The following FIZ1 variants were observed in gnomAD, a reference collection of about 807,000 sequenced individuals.
FIZ1 encodes the protein FLT3 interacting zinc finger 1, also known as flt3-interacting zinc finger protein 1.
In FIZ1, 2 loss-of-function variants were observed where a neutral mutation model predicts 5.3. The ratio of observed to expected loss-of-function variants is 0.37; its 90% CI spans 0.15 to 1.18. The LOEUF (loss-of-function observed/expected upper bound fraction) is 1.18, where lower values mean the gene tolerates loss of function less well. FIZ1 is among the 50% of genes most tolerant of loss of function. FIZ1 has a pLI of 0.37. For synonymous variants in FIZ1, 407 were observed against 364.2 expected, an observed-to-expected ratio of 1.12 and a Z score of -1.34; for missense variants, 631 against 749.7, an observed-to-expected ratio of 0.84 and a Z score of 1.85.
intron 2 of FIZ1, among the ~76,000 whole-genome samples, chr19:55,594,502 C>T (rs1193573681): frequency 6.6e-6 from 1 of 151,308 alleles, no homozygotes; most frequent in Non-Finnish European, 1.5e-5. Flanking sequence ...TCGAGACCAT[C>T]CTGGCTAACA....
At position 55,592,989 on chromosome 19, in the gene FIZ1, C is replaced by A. The variant is rs1356169654; in HGVS notation, c.952G>T (p.Ala318Ser). ...GAGGGCTCGGCGGCCGCCGCAGGTG[C>A]AGGCGCCTCCCCACCGCCCTCGGGG... is the stretch of plus-strand genomic sequence containing the variant. Reference protein sequence around the residue: ...LLPEGGGEAPAPAAAAEPSED... With the variant: ...LLPEGGGEAPSPAAAAEPSED... The change falls in exon 3 of 3, where the codon GCA becomes TCA. Residue 318 changes from alanine to serine, a missense_variant. Around this residue, in one of 4 missense-constraint regions of FIZ1, gnomAD observed 463 missense variants for 455.1 expected, o/e 1.02. Transcript: ENST00000221665. The surrounding 1 kb of genome is among the most constrained non-coding windows in gnomAD (Gnocchi z 6.9). The A allele has an allele frequency of 6.6e-7, 1 of 1,522,842 alleles. No individual in the cohort carries two copies. The highest frequency in any genetic ancestry group is 8.7e-7 in the Non-Finnish European group (1 of 1,143,686). The allele number at this position is 1,522,842 out of a possible 1,614,324, so 94.3% of individuals were successfully genotyped here.
chr19:55,591,654 G>A lies in FIZ1; in HGVS notation c.*796C>T, dbSNP rs1980007359. On this transcript the variant is annotated 3_prime_UTR_variant, in exon 3 of 3. Transcript: ENST00000221665. ...GTCCACACGCTACAGGAAAAGAGAG[G>A]AGTGTCCGCCCTATTCACTCTAAGG... 6.6e-6 allele frequency: 1 copy of A among 152,518 alleles called. No individual in the cohort carries two copies. Among genetic ancestry groups the A allele is most frequent in the African/African-American group, 2.4e-5 (1 of 41,452 alleles). The allele number at this position is 152,518 out of a possible 1,614,324, so 9.4% of individuals were successfully genotyped here.
Position 55,593,021 on chromosome 19 carries a change from C to A in FIZ1, c.920G>T (p.Gly307Val). The part of the protein sequence containing the change: ...PAGGGVPKLG[G>V]LLPEGGGEAP... Reference sequence around the variant, plus strand: ...CTCCCCACCGCCCTCGGGGAGCAGCCCCCCGAGCTTGGGCACGCCGCCCCC... The same window carrying A: ...CTCCCCACCGCCCTCGGGGAGCAGCACCCCGAGCTTGGGCACGCCGCCCCC... The change falls in exon 3 of 3, where the codon GGG (glycine) becomes GTG (valine). Residue 307 changes from glycine to valine, a missense_variant. Gly to Val is a moderately radical substitution (Grantham distance 109). Coordinates refer to ENST00000221665, the MANE Select transcript of FIZ1 (RefSeq NM_032836.3). This position sits in a 1 kb window ranked among gnomAD's most constrained non-coding sequence, Gnocchi z 6.3. The A allele has an allele frequency of 6.9e-7, 1 of 1,447,494 alleles. No individual in the cohort carries two copies. The highest frequency in any genetic ancestry group is 9.0e-7 in the Non-Finnish European group (1 of 1,109,162). 89.7% of individuals were successfully genotyped at this position (1,447,494 alleles called of 1,614,324 possible).
intron 1 of FIZ1, chr19:55,598,543 AC>A (rs1771881933): frequency 1.3e-5 from 2 of 152,694 alleles, no homozygotes; most frequent in Non-Finnish European, 2.9e-5. Flanking sequence ...AATAAATGCT[AC>A]GTGCCCACTT....
rs561607912 is a variant in FIZ1, at chr19:55,592,307, C to G, written c.*143G>C. 1.1e-6 allele frequency: 1 copy of G among 897,766 alleles called. No homozygotes were observed. Among genetic ancestry groups the G allele is most frequent in the African/African-American group, 1.7e-5 (1 of 58,534 alleles). The allele number at this position is 897,766 out of a possible 1,614,324, so 55.6% of individuals were successfully genotyped here. A position where few individuals can be genotyped will look rare whatever the true frequency, so the allele number is the denominator to read the frequency against. The stretch of plus-strand genomic sequence containing the variant: ...TGTGGGTTTTTGGTGGCCCCCACCT[C>G]TCCAGTCAGGGTCCCCTCATTTCAG... On this transcript the variant is annotated 3_prime_UTR_variant, in exon 3 of 3. Transcript: ENST00000221665. This position sits in a 1 kb window ranked among gnomAD's most constrained non-coding sequence, Gnocchi z 6.9.
chr19:55,593,296 C>T lies in FIZ1; in HGVS notation c.645G>A (p.Leu215=). 1 of 1,255,496 alleles carries T rather than the reference C, an allele frequency of 8.0e-7. No individual in the cohort carries two copies. The highest frequency in any genetic ancestry group is 1.0e-6 in the Non-Finnish European group (1 of 993,420). The allele number at this position is 1,255,496 out of a possible 1,614,324, so 77.8% of individuals were successfully genotyped here. A position where few individuals can be genotyped will look rare whatever the true frequency, so the allele number is the denominator to read the frequency against. The change falls in exon 3 of 3, where the codon CTG becomes CTA. Residue 215 remains leucine, a synonymous_variant. Transcript: ENST00000221665. This position sits in a 1 kb window ranked among gnomAD's most constrained non-coding sequence, Gnocchi z 6.3. ...CGGTGTGCGCCGCCCAGTGGGCCGC[C>T]AGCTCGCGGCCGTGGTCGAAGCGCC... ...CARRFDHGRE[L]AAHWAAHTDV...
chr19:55,596,111 G>A (rs927974686), intron 2 of FIZ1, among the ~76,000 whole-genome samples: 10 of 152,146 alleles, frequency 6.6e-5, no homozygotes, highest in African/African-American at 2.2e-4. Context: ...GTGGGGGTGA[G>A]GCCCCTCAGG....
rs1484600118 is a variant in FIZ1 at position 55,593,115 on chromosome 19, C to T, written c.826G>A (p.Glu276Lys). ...GPGAGPETAG[E>K]GTAAEAGDAP... ...TCGCCCGCCTCCGCAGCGGTGCCTT[C>T]GCCCGCCGTCTCGGGCCCTGCGCCT... The change falls in exon 3 of 3, where the codon GAA (glutamate) becomes AAA (lysine). Residue 276 changes from glutamate to lysine, a missense_variant. Physicochemically the swap from Glu to Lys is moderately conservative, Grantham distance 56. This residue lies in a region of FIZ1 where 463 missense variants were observed against 455.1 expected (regional missense o/e 1.02). Transcript: ENST00000221665. The surrounding 1 kb of genome is among the most constrained non-coding windows in gnomAD (Gnocchi z 6.3). 7.0e-6 allele frequency: 9 copies of T among 1,282,402 alleles called. No homozygotes were observed. In the South Asian group the frequency reaches 1.7e-4, roughly 24 times the overall value. 79.4% of individuals were successfully genotyped at this position (1,282,402 alleles called of 1,614,324 possible). A position where few individuals can be genotyped will look rare whatever the true frequency, so the allele number is the denominator to read the frequency against.
intron 2 of FIZ1, 151 bp downstream of exon 2, chr19:55,597,420 CT>C: frequency 7.1e-7 from 1 of 1,405,792 alleles, no homozygotes; most frequent in African/African-American, 1.4e-5. Flanking sequence ...GGTCAGGGTG[CT>C]TTGGTAGGGA....
chr19:55,599,281 C>T (rs952909196), intron 1 of FIZ1, 193 bp downstream of exon 1: 5 of 152,530 alleles, frequency 3.3e-5, no homozygotes, highest in African/African-American at 1.2e-4. Context: ...GCCCCAGGCC[C>T]CGAGAGCCGG....
In FIZ1 at chr19:55,593,718, C is replaced by G. The variant is rs1980175110; in HGVS notation, c.295-72G>C. The G allele has an allele frequency of 7.2e-6, 10 of 1,394,950 alleles. No homozygotes were observed. The South Asian group carries it at 1.3e-4, about 17-fold the overall frequency. The allele number at this position is 1,394,950 out of a possible 1,614,324, so 86.4% of individuals were successfully genotyped here. A position where few individuals can be genotyped will look rare whatever the true frequency, so the allele number is the denominator to read the frequency against. On this transcript the variant is annotated intron_variant, in intron 2 of 2. Coordinates refer to ENST00000221665, the MANE Select transcript of FIZ1 (RefSeq NM_032836.3). The surrounding 1 kb of genome is among the most constrained non-coding windows in gnomAD (Gnocchi z 6.3). ...CCCGGACAACGGATTCCTGGACTCC[C>G]AGAGGGTTGTGGCACAAGCTCTCTG...
chr19:55,592,706 T>C lies in FIZ1; in HGVS notation c.1235A>G (p.Lys412Arg). ...EPPSGSGRGK[K>R]IFGCSECEKL... Reference sequence around the variant, plus strand: ...CTCGCACTCGGAGCAGCCGAAGATCTTCTTGCCGCGGCCGGAGCCAGACGG... The same window carrying C: ...CTCGCACTCGGAGCAGCCGAAGATCCTCTTGCCGCGGCCGGAGCCAGACGG... Residue 412 changes from lysine to arginine, a missense_variant, in exon 3 of 3, where the codon AAG becomes AGG. Physicochemically the swap from Lys to Arg is conservative, Grantham distance 26 (BLOSUM62 2). This residue lies in a region of FIZ1 where 463 missense variants were observed against 455.1 expected (regional missense o/e 1.02). Transcript: ENST00000221665. This position sits in a 1 kb window ranked among gnomAD's most constrained non-coding sequence, Gnocchi z 6.9. 1 of 1,612,870 alleles carries C rather than the reference T, an allele frequency of 6.2e-7. No homozygotes were observed. The highest frequency in any genetic ancestry group is 8.5e-7 in the Non-Finnish European group (1 of 1,179,772).
intron 2 of FIZ1, among the ~76,000 whole-genome samples, chr19:55,594,240 T>C (rs1980204154): frequency 6.6e-6 from 1 of 151,526 alleles, no homozygotes. Context: ...AATACAAAAA[T>C]TACCCGGGCC....
At chr19:55,597,999 AC>A (rs1980414376) in intron 1 of FIZ1, 98 bp from the exon 2 acceptor site, 1 of 1,286,000 alleles carries the variant, frequency 7.8e-7, no homozygotes, top group Non-Finnish European at 1.0e-6. Flanking sequence ...CCCCTGGGAG[AC>A]CCTCCCACTG....
At chr19:55,597,503 A>C in intron 2 of FIZ1, 69 bp downstream of exon 2, 1 of 1,531,618 alleles carries the variant, frequency 6.5e-7, no homozygotes, top group South Asian at 1.2e-5. Context: ...CCCAGAGTAC[A>C]GTGGGGCGCG....
rs762933121 is a variant in FIZ1, at chr19:55,592,555, C to T, written c.1386G>A (p.Leu462=). The part of the protein sequence containing the change: ...RHECYLKRHR[L]LHGTERPFPC... The stretch of plus-strand genomic sequence containing the variant: ...GGAAGGGCCGCTCGGTGCCGTGCAG[C>T]AGCCGGTGGCGCTTGAGGTAGCACT... The change falls in exon 3 of 3, where the codon CTG becomes CTA. Residue 462 remains leucine, a synonymous_variant. Transcript: ENST00000221665. This position sits in a 1 kb window ranked among gnomAD's most constrained non-coding sequence, Gnocchi z 6.9. 6.2e-7 allele frequency: 1 copy of T among 1,611,674 alleles called. No homozygotes were observed. The highest frequency in any genetic ancestry group is 8.5e-7 in the Non-Finnish European group (1 of 1,179,092).
chr19:55,598,106 T>C (rs1415777306), intron 1 of FIZ1: 4 of 619,320 alleles, frequency 6.5e-6, no homozygotes, highest in African/African-American at 5.5e-5. Context: ...AAAATCTTCC[T>C]AATCACTTCA....
chr19:55,597,148 A>G (rs1257484074), intron 2 of FIZ1, among the ~76,000 whole-genome samples: 3 of 152,264 alleles, frequency 2.0e-5, no homozygotes, highest in Non-Finnish European at 2.9e-5. Flanking sequence ...GTGCAGGGAA[A>G]GCTGATAGTC....
intron 1 of FIZ1, chr19:55,598,480 A>T (rs1300449669): frequency 6.5e-6 from 1 of 153,644 alleles, no homozygotes; most frequent in Non-Finnish European, 1.4e-5. Context: ...GTAAAATGGG[A>T]ATAGTAGTAC....
Sources: gnomAD v4.1 joint callset for allele counts (sites outside exome capture counted in the v4.1 genomes callset) on GRCh38, gnomAD v4.1.1 for gene constraint, gnomAD v4.1.1 regional missense constraint, Gnocchi (gnomAD v3.1) non-coding constraint, MANE v1.5 for transcripts, NCBI Gene and HGNC (gene_info 2026-07-23, HGNC 2026-07-21) for gene names.